Variants in CACNB2 observed in about 807,000 individuals in gnomAD.
The protein encoded by CACNB2 is voltage-dependent L-type calcium channel subunit beta-2.
A neutral mutation model predicts 73.3 loss-of-function variants in CACNB2; 42 were observed. The ratio of observed to expected loss-of-function variants is 0.57; its 90% confidence interval spans 0.45 to 0.74. The LOEUF is 0.74. Among genes scored for constraint, CACNB2 ranks in the 30% least tolerant of loss-of-function variants. The pLI is 0.00. For missense variants in CACNB2, 940 were observed against 853.0 expected, an observed-to-expected ratio of 1.10 and a Z score of -1.27; for synonymous variants, 348 against 310.3, an observed-to-expected ratio of 1.12 and a Z score of -1.28.
chr10:18,234,369 G>A (rs2036346418), intron 2 of CACNB2: 1 of 152,338 alleles, frequency 6.6e-6, no homozygotes, highest in Non-Finnish European at 1.5e-5. Flanking sequence ...ATTACCATGT[G>A]ATCAGCAATT....
At chr10:18,300,953 T>A (rs2131830615) in intron 2 of CACNB2, among the ~76,000 whole-genome samples, 1 of 152,194 alleles carries the variant, frequency 6.6e-6, no homozygotes, top group East Asian at 1.9e-4. Context: ...AAAAGAAAGA[T>A]AGGATTTCCT....
chr10:18,222,196 G>C (rs1411536793), intron 2 of CACNB2, among the ~76,000 whole-genome samples: 1 of 152,182 alleles, frequency 6.6e-6, no homozygotes, highest in Non-Finnish European at 1.5e-5. Context: ...ACTGGAATAT[G>C]TTAAATGACC....
chr10:18,508,477 G>A (rs948993453), intron 6 of CACNB2, among the ~76,000 whole-genome samples: 7 of 152,134 alleles, frequency 4.6e-5, no homozygotes, highest in African/African-American at 1.7e-4. Context: ...GATGATTTCA[G>A]TGATTTCTAG....
chr10:18,301,054 T>C (rs189720462), intron 2 of CACNB2, among the ~76,000 whole-genome samples: 2 of 152,224 alleles, frequency 1.3e-5, no homozygotes, highest in Admixed American at 1.3e-4. Context: ...AGATGGAGAC[T>C]CTCAAGGTAG....
chr10:18,172,032 G>T (rs894807229), intron 2 of CACNB2, among the ~76,000 whole-genome samples: 2 of 152,066 alleles, frequency 1.3e-5, no homozygotes, highest in Admixed American at 1.3e-4. Flanking sequence ...GTCTAGGACC[G>T]TGCGGGATTA....
chr10:18,168,956 A>G (rs1313789643), intron 2 of CACNB2, among the ~76,000 whole-genome samples: 3 of 152,226 alleles, frequency 2.0e-5, no homozygotes, highest in East Asian at 1.9e-4. Context: ...ATACAGTCTA[A>G]CAGCCAAGAA....
chr10:18,482,255 A>T (rs1245436997), intron 3 of CACNB2, among the ~76,000 whole-genome samples: 1 of 152,198 alleles, frequency 6.6e-6, no homozygotes. Context: ...CATAGTAAGC[A>T]CAATATAGTT....
chr10:18,530,218 T>C (rs139834864), intron 10 of CACNB2, among the ~76,000 whole-genome samples: 31 of 152,226 alleles, frequency 2.0e-4, no homozygotes, highest in African/African-American at 7.2e-4. Flanking sequence ...CTTAAGGTGG[T>C]AGGAGACCAT....
intron 7 of CACNB2, among the ~76,000 whole-genome samples, chr10:18,516,289 C>T (rs1376184921): frequency 4.5e-4 from 69 of 152,140 alleles, no homozygotes; most frequent in African/African-American, 1.6e-3. Flanking sequence ...TGGCGTCATT[C>T]TTCATAGGGC....
At chr10:18,446,924 T>C (rs1489581750) in intron 3 of CACNB2, among the ~76,000 whole-genome samples, 1 of 152,112 alleles carries the variant, frequency 6.6e-6, no homozygotes, top group Non-Finnish European at 1.5e-5. Context: ...TTAGGTGTGA[T>C]GGTGTGCACC....
At position 18,418,936 on chromosome 10, in the gene CACNB2, T is replaced by C. The variant is rs367897042; in HGVS notation, c.333+16893T>C. On this transcript the variant is annotated intron_variant, in intron 3 of 13. Transcript: ENST00000324631. ...ACAACCAACTATCCCTTTGTCTTCT[T>C]AGAGGAACTGTAATCATCCCTGAAT... 1.1e-4 allele frequency among the ~76,000 whole-genome samples: 16 copies of C among 152,346 alleles called. 1 individual carries two copies. In the South Asian group the frequency reaches 2.7e-3, roughly 26 times the overall value.
intron 1 of CACNB2, among the ~76,000 whole-genome samples, chr10:18,143,889 A>T (rs1023554458): frequency 3.2e-4 from 49 of 152,342 alleles, no homozygotes; most frequent in Admixed American, 8.5e-4. Context: ...TTATAGTATT[A>T]TATTTGTATG....
At chr10:18,171,237 A>G (rs746599189) in intron 2 of CACNB2, among the ~76,000 whole-genome samples, 3 of 152,198 alleles carry the variant, frequency 2.0e-5, no homozygotes, top group Admixed American at 6.5e-5. Context: ...TCTCCAGCCA[A>G]GAAATGTAGG....
chr10:18,465,804 C>G (rs1409649008), intron 3 of CACNB2, among the ~76,000 whole-genome samples: 2 of 151,800 alleles, frequency 1.3e-5, no homozygotes, highest in Non-Finnish European at 2.9e-5. Context: ...GCCTCAGCCT[C>G]CCGAGTAGCT....
At chr10:18,171,550 G>GAAAAAA (rs2033242248) in intron 2 of CACNB2, among the ~76,000 whole-genome samples, 2 of 38,614 alleles carry the variant, frequency 5.2e-5, no homozygotes, top group African/African-American at 2.2e-4. Flanking sequence ...AAAAAAAAAA[G>GAAAAAA]GCTATTTGTT....
Position 18,542,415 on chromosome 10 carries a change from A to C in CACNB2, c.*2691A>C, listed in dbSNP as rs1430243551. The stretch of plus-strand genomic sequence containing the variant: ...CTGATAAAACTTTTGTCATGGTAAG[A>C]GATTCACAATTATTAGTTCAATCCT... On this transcript the variant is annotated 3_prime_UTR_variant, in exon 14 of 14. Coordinates refer to ENST00000324631, the MANE Select transcript of CACNB2 (RefSeq NM_201596.3). 1.3e-5 allele frequency: 2 copies of C among 152,226 alleles called. No individual in the cohort carries two copies. The highest frequency in any genetic ancestry group is 4.8e-5 in the African/African-American group (2 of 41,458). 9.4% of individuals were successfully genotyped at this position (152,226 alleles called of 1,614,324 possible).
At chr10:18,355,207 C>CT (rs71402157) in intron 2 of CACNB2, among the ~76,000 whole-genome samples, 68,479 of 151,928 alleles carry the variant, frequency 0.45, 16,050 homozygotes, top group African/African-American at 0.51. Context: ...CATGTACACT[C>CT]TAAGTGTTTC....
chr10:18,427,423 G>C (rs945413304), intron 3 of CACNB2, among the ~76,000 whole-genome samples: 5 of 152,074 alleles, frequency 3.3e-5, no homozygotes, highest in Non-Finnish European at 7.4e-5. Context: ...AATCATGAGG[G>C]AAACTGGCCT....
At chr10:18,413,555 T>G (rs1182722560) in intron 3 of CACNB2, among the ~76,000 whole-genome samples, 1 of 152,200 alleles carries the variant, frequency 6.6e-6, no homozygotes, top group Non-Finnish European at 1.5e-5. Flanking sequence ...CCATTTCCAT[T>G]CTCATTACCT....
Sources: gnomAD v4.1 joint callset for allele counts (sites outside exome capture counted in the v4.1 genomes callset) on GRCh38, gnomAD v4.1.1 for gene constraint, MANE v1.5 for transcripts, NCBI Gene and HGNC (gene_info 2026-07-23, HGNC 2026-07-21) for gene names.